The following PCBP3 variants were observed in gnomAD, a reference collection of about 807,000 sequenced individuals.
The protein encoded by PCBP3 is poly(rC)-binding protein 3.
In PCBP3, 25 loss-of-function variants were observed where a neutral mutation model predicts 52.7. The ratio of observed to expected loss-of-function variants is 0.47; its 90% CI spans 0.35 to 0.66. The LOEUF (loss-of-function observed/expected upper bound fraction) is 0.66. Among genes scored for constraint, PCBP3 ranks in the 30% least tolerant of loss-of-function variants. The probability of loss-of-function intolerance (pLI) is 0.01; values close to 1 mark genes in which losing one functional copy is unlikely to be tolerated. For synonymous variants in PCBP3, 162 were observed against 183.0 expected, an observed-to-expected ratio of 0.89 and a Z score of 0.93; for missense variants, 391 against 490.3, an observed-to-expected ratio of 0.80 and a Z score of 1.91.
chr21:45,873,892 C>A (rs1019684450), intron 5 of PCBP3, among the ~76,000 whole-genome samples: 14 of 152,246 alleles, frequency 9.2e-5, no homozygotes, highest in African/African-American at 3.4e-4. Flanking sequence ...ACCTCCCAGG[C>A]AGCTGGGACT....
intron 5 of PCBP3, among the ~76,000 whole-genome samples, chr21:45,867,242 A>C (rs1344118745): frequency 6.6e-6 from 1 of 152,238 alleles, no homozygotes; most frequent in Non-Finnish European, 1.5e-5. Context: ...GCTGCGCCGG[A>C]TCTGAGGCAG....
In PCBP3 at chr21:45,837,028, G is replaced by A. The variant is rs536700317; in HGVS notation, c.-125-12933G>A. ...TGTGTTTCTTTTGGTGCACACATGA[G>A]GTGTTTTTGGTTTAAGGAAGTGGAA... On this transcript the variant is annotated intron_variant, in intron 4 of 17. Transcript: ENST00000681687. The surrounding 1 kb of genome is among the most constrained non-coding windows in gnomAD (Gnocchi z 4.1). Among the ~76,000 whole-genome samples, 1 of 152,290 alleles carries A rather than the reference G, an allele frequency of 6.6e-6. No homozygotes were observed. The highest frequency in any genetic ancestry group is 2.1e-4 in the South Asian group (1 of 4,822).
At chr21:45,938,963 C>A (rs868274042) in intron 16 of PCBP3, among the ~76,000 whole-genome samples, 3 of 152,220 alleles carry the variant, frequency 2.0e-5, no homozygotes, top group African/African-American at 7.2e-5. Flanking sequence ...TCCTGCATGC[C>A]GCCACATGGC....
intron 9 of PCBP3, 92 bp downstream of exon 9, chr21:45,901,205 G>T (rs2096025682): frequency 1.1e-6 from 1 of 902,670 alleles, no homozygotes; most frequent in Non-Finnish European, 1.8e-6. Context: ...ACCTGGACTA[G>T]GGGATGCCCC....
chr21:45,929,964 T>TC lies in PCBP3; in HGVS notation c.769dup (p.Leu257ProfsTer41). The TC allele has an allele frequency of 6.2e-7, 1 of 1,613,666 alleles. No individual in the cohort carries two copies. The stretch of plus-strand genomic sequence containing the variant: ...TGGCCATGCAGCAAACCCCCTTTCC[T>TC]CCCCTCGGACAGACCAACCCCGCTT... On this transcript the variant is annotated frameshift_variant, in exon 14 of 18. Coordinates refer to ENST00000681687, the MANE Select transcript of PCBP3 (RefSeq NM_001384156.1). LOFTEE classifies it high-confidence loss of function.
chr21:45,831,408 CA>C (rs59400163), intron 4 of PCBP3, among the ~76,000 whole-genome samples: 6,679 of 86,492 alleles, frequency 0.077, 238 homozygotes, highest in African/African-American at 0.15. Flanking sequence ...GATGCTGTCT[CA>C]AAAAAAAAAA....
chr21:45,688,252 A>C (rs1265721358), intron 2 of PCBP3, among the ~76,000 whole-genome samples: 1 of 152,226 alleles, frequency 6.6e-6, no homozygotes, highest in Non-Finnish European at 1.5e-5. Flanking sequence ...AACTTATAGA[A>C]TATGCCAGCC....
In PCBP3 at chr21:45,932,010, T is replaced by C. The variant is rs2843978; in HGVS notation, c.856+1165T>C. 4.0e-3 allele frequency among the ~76,000 whole-genome samples: 342 copies of C among 86,074 alleles called. No individual in the cohort carries two copies. In the Middle Eastern group the frequency reaches 0.054, roughly 14 times the overall value. 56.5% of individuals were successfully genotyped at this position (86,074 alleles called of 152,430 possible). The stretch of plus-strand genomic sequence containing the variant: ...CATGCTGTCCCGAGATGAATGAACA[T>C]GTCGGCCGTGCCGTCCTGAGATGAA... On this transcript the variant is annotated intron_variant, in intron 15 of 17. Transcript: ENST00000681687.
At chr21:45,716,297 A>G (rs918972599) in intron 2 of PCBP3, among the ~76,000 whole-genome samples, 5 of 152,134 alleles carry the variant, frequency 3.3e-5, no homozygotes, top group African/African-American at 1.2e-4. Flanking sequence ...GTAAGGGTTA[A>G]TTTGTTGATT....
chr21:45,813,714 T>G (rs2092747424), intron 4 of PCBP3, among the ~76,000 whole-genome samples: 1 of 152,220 alleles, frequency 6.6e-6, no homozygotes, highest in Non-Finnish European at 1.5e-5. Flanking sequence ...AAAGTGCTGG[T>G]ATTGCAAGCG....
rs1473061078 is a variant in PCBP3, at chr21:45,800,628, G to A, written c.-126+45176G>A. Among the ~76,000 whole-genome samples the A allele has an allele frequency of 2.6e-5, 4 of 152,088 alleles. No individual in the cohort carries two copies. The highest frequency in any genetic ancestry group is 2.9e-5 in the Non-Finnish European group (2 of 67,998). ...TGCCCTGGTCACCTGCCACCCCTTC[G>A]TGCTGGGCCCTTGGGCCAAGCACCG... On this transcript the variant is annotated intron_variant, in intron 4 of 17. Coordinates refer to ENST00000681687, the MANE Select transcript of PCBP3 (RefSeq NM_001384156.1). The surrounding 1 kb of genome is among the most constrained non-coding windows in gnomAD (Gnocchi z 5.3).
chr21:45,792,273 G>A (rs1252727390), intron 4 of PCBP3, among the ~76,000 whole-genome samples: 1 of 152,286 alleles, frequency 6.6e-6, no homozygotes, highest in Non-Finnish European at 1.5e-5. Flanking sequence ...TGCGGCAAGG[G>A]CAAGAGAACC....
At chr21:45,906,520 T>C (rs537759110) in intron 9 of PCBP3, among the ~76,000 whole-genome samples, 11 of 152,160 alleles carry the variant, frequency 7.2e-5, no homozygotes, top group African/African-American at 2.2e-4. Context: ...GGTCACAGGA[T>C]TGTGGAGAAT....
intron 2 of PCBP3, among the ~76,000 whole-genome samples, chr21:45,672,205 C>G (rs538774580): frequency 1.3e-5 from 2 of 152,242 alleles, no homozygotes; most frequent in African/African-American, 4.8e-5. Context: ...CCCTGCACCA[C>G]CTCAGGACTC....
Position 45,853,753 on chromosome 21 carries a change from G to A in PCBP3, c.10+3658G>A, listed in dbSNP as rs752139212. On this transcript the variant is annotated intron_variant, in intron 5 of 17. Coordinates refer to ENST00000681687, the MANE Select transcript of PCBP3 (RefSeq NM_001384156.1). This position sits in a 1 kb window ranked among gnomAD's most constrained non-coding sequence, Gnocchi z 4.6. ...ATTCTGCCTGTGTGAGTACAGACGCGTGCATAGGAAATTAAATACACACAT... is the reference window on the plus strand; with the variant it reads ...ATTCTGCCTGTGTGAGTACAGACGCATGCATAGGAAATTAAATACACACAT... Among the ~76,000 whole-genome samples, 4 of 152,162 alleles carry A rather than the reference G, an allele frequency of 2.6e-5. No homozygotes were observed. The highest frequency in any genetic ancestry group is 5.9e-5 in the Non-Finnish European group (4 of 68,028).
intron 15 of PCBP3, 128 bp downstream of exon 15, chr21:45,930,973 A>C (rs2076102823): frequency 6.0e-6 from 8 of 1,333,716 alleles, no homozygotes; most frequent in Non-Finnish European, 8.2e-6. Flanking sequence ...GGCCAGCCTC[A>C]GGTGCTGCCA....
In PCBP3 at chr21:45,904,778, G is replaced by T. The variant is rs995665554; in HGVS notation, c.339+3665G>T. ...ACCTGAAGGTGCTCAGAGGGCCCTT[G>T]AGTCGTCGCTCTGGGGCCGTGTCTC... On this transcript the variant is annotated intron_variant, in intron 9 of 17. Transcript: ENST00000681687. The surrounding 1 kb of genome is among the most constrained non-coding windows in gnomAD (Gnocchi z 4.8). Among the ~76,000 whole-genome samples, 1 of 152,124 alleles carries T rather than the reference G, an allele frequency of 6.6e-6. No homozygotes were observed. The highest frequency in any genetic ancestry group is 1.9e-4 in the East Asian group (1 of 5,190).
chr21:45,892,456 T>C (rs958058214), intron 5 of PCBP3, among the ~76,000 whole-genome samples: 1 of 130,592 alleles, frequency 7.7e-6, no homozygotes, highest in African/African-American at 3.0e-5. Flanking sequence ...CGCAGTCCCG[T>C]CTCTGACGGG....
chr21:45,871,626 C>G (rs2095026475), intron 5 of PCBP3: 1 of 152,356 alleles, frequency 6.6e-6, no homozygotes, highest in Non-Finnish European at 1.5e-5. Context: ...AGCTGCAGTC[C>G]CTGAGCCTAA....
Sources: gnomAD v4.1 joint callset for allele counts (sites outside exome capture counted in the v4.1 genomes callset) on GRCh38, gnomAD v4.1.1 for gene constraint, Gnocchi (gnomAD v3.1) non-coding constraint, MANE v1.5 for transcripts, NCBI Gene and HGNC (gene_info 2026-07-23, HGNC 2026-07-21) for gene names.